The following FRRS1 variants were observed in gnomAD, a reference collection of about 807,000 sequenced individuals.
FRRS1 encodes the protein ferric reductase 1.
In FRRS1, 51 loss-of-function variants were observed where a neutral mutation model predicts 70.7. The ratio of observed to expected loss-of-function variants is 0.72; its 90% CI spans 0.58 to 0.91. FRRS1 has a LOEUF of 0.91. Ranked by LOEUF, FRRS1 falls within the 40% of genes least tolerant of loss-of-function variation. The pLI is 0.00. For synonymous variants in FRRS1, 225 were observed against 238.7 expected, an observed-to-expected ratio of 0.94 and a Z score of 0.53; for missense variants, 672 against 726.0, an observed-to-expected ratio of 0.93 and a Z score of 0.86.
chr1:99,748,454 A>G (rs1571146223), intron 3 of FRRS1, 119 bp downstream of exon 3: 2 of 838,846 alleles, frequency 2.4e-6, no homozygotes, highest in African/African-American at 1.7e-5. Context: ...GAAGTATGAT[A>G]GTATCTTACA....
chr1:99,754,637 A>C (rs889214175), intron 1 of FRRS1, among the ~76,000 whole-genome samples: 1 of 152,218 alleles, frequency 6.6e-6, no homozygotes, highest in Non-Finnish European at 1.5e-5. Context: ...ACAACAGAAT[A>C]CACGTTCCTC....
At chr1:99,740,976 T>G in intron 5 of FRRS1, 36 bp from the exon 6 acceptor site, 1 of 1,596,680 alleles carries the variant, frequency 6.3e-7, no homozygotes, top group South Asian at 1.1e-5. Context: ...GAACCCTAAT[T>G]GTGTCCTGTC....
At chr1:99,710,723 G>A in intron 15 of FRRS1, 83 bp downstream of exon 15, 1 of 1,189,024 alleles carries the variant, frequency 8.4e-7, no homozygotes, top group Non-Finnish European at 1.2e-6. Flanking sequence ...GTAGCAGTCA[G>A]CCATTACTAT....
intron 6 of FRRS1, among the ~76,000 whole-genome samples, chr1:99,738,514 T>C (rs936016490): frequency 3.3e-5 from 5 of 152,202 alleles, no homozygotes; most frequent in African/African-American, 1.2e-4. Flanking sequence ...ATACACTTGT[T>C]GGGCTGTAAT....
At chr1:99,764,739 T>C (rs1249967540) in intron 1 of FRRS1, among the ~76,000 whole-genome samples, 1 of 152,182 alleles carries the variant, frequency 6.6e-6, no homozygotes. Context: ...TTCTCACTTG[T>C]TAGAGACAAT....
At chr1:99,760,078 G>C (rs770281789) in intron 1 of FRRS1, among the ~76,000 whole-genome samples, 8 of 152,206 alleles carry the variant, frequency 5.3e-5, no homozygotes, top group Non-Finnish European at 8.8e-5. Context: ...TGCTTTATAA[G>C]AGACTGAATA....
intron 10 of FRRS1, 145 bp downstream of exon 10, chr1:99,719,389 C>G (rs1190205833): frequency 4.0e-6 from 2 of 499,328 alleles, no homozygotes; most frequent in African/African-American, 5.4e-5. Context: ...AGCCTGGTGA[C>G]AGAGCGAGAC....
chr1:99,708,873 C>G lies in FRRS1; in HGVS notation c.*155G>C. On this transcript the variant is annotated 3_prime_UTR_variant, in exon 17 of 17. Coordinates refer to ENST00000646001, the MANE Select transcript of FRRS1 (RefSeq NM_001361041.2). ...ATATGACCCTCTTGAATGTTGTTCT[C>G]TAAAGGCTGGACTTCAGAATTCCTC... 6.5e-7 allele frequency: 1 copy of G among 1,535,652 alleles called. No homozygotes were observed. Among genetic ancestry groups the G allele is most frequent in the Non-Finnish European group, 9.0e-7 (1 of 1,109,516 alleles).
At position 99,728,505 on chromosome 1, in the gene FRRS1, C is replaced by T. The variant is rs1336260225; in HGVS notation, c.994G>A (p.Ala332Thr). ...TSYYIFLADGAANDGRIYKHS... is the reference protein window; with the variant it reads ...TSYYIFLADGTANDGRIYKHS... ...ACAATATACTTACCATCATTAGCTG[C>T]ACCATCTGCTAGAAATATGTAATAG... Residue 332 changes from alanine to threonine, a missense_variant, in exon 9 of 17, where the codon GCA (alanine) becomes ACA (threonine). Transcript: ENST00000646001. The T allele has an allele frequency of 3.7e-6, 6 of 1,611,196 alleles. No homozygotes were observed. Among genetic ancestry groups the T allele is most frequent in the Admixed American group, 3.3e-5 (2 of 59,972 alleles).
At chr1:99,730,584 C>T (rs1019022435) in intron 7 of FRRS1, among the ~76,000 whole-genome samples, 4 of 151,932 alleles carry the variant, frequency 2.6e-5, no homozygotes, top group Non-Finnish European at 2.9e-5. Flanking sequence ...ATCAGCCAAG[C>T]GGGCCGGGCG....
chr1:99,742,346 G>C, intron 4 of FRRS1, 73 bp from the exon 5 acceptor site: 4 of 933,692 alleles, frequency 4.3e-6, no homozygotes, highest in Non-Finnish European at 7.0e-6. Context: ...CTATCATTTT[G>C]CGAAGTAATT....
At chr1:99,756,070 GAGTT>G (rs1279760652) in intron 1 of FRRS1, among the ~76,000 whole-genome samples, 3 of 152,054 alleles carry the variant, frequency 2.0e-5, no homozygotes, top group East Asian at 1.9e-4. Flanking sequence ...GACAGAATAG[GAGTT>G]AGTCATGGAA....
rs1553169357 is a variant in FRRS1, at chr1:99,708,625, A to AAAAAAATAT, written c.*402_*403insATATTTTTT. 3 of 52,738 alleles carry AAAAAAATAT rather than the reference A, an allele frequency of 5.7e-5. No homozygotes were observed. The highest frequency in any genetic ancestry group is 1.7e-4 in the African/African-American group (2 of 11,680). The allele number at this position is 52,738 out of a possible 1,614,324, so 3.3% of individuals were successfully genotyped here. On this transcript the variant is annotated 3_prime_UTR_variant, in exon 17 of 17. Coordinates refer to ENST00000646001, the MANE Select transcript of FRRS1 (RefSeq NM_001361041.2). ...AAAAAAAAAAAAAAAAAAAAAAAAA[A>AAAAAAATAT]ATATATATATATATATATATATATA...
At chr1:99,742,768 A>G (rs1656038108) in intron 4 of FRRS1, among the ~76,000 whole-genome samples, 1 of 152,134 alleles carries the variant, frequency 6.6e-6, no homozygotes, top group African/African-American at 2.4e-5. Flanking sequence ...ACCTCCTCCA[A>G]GAAGCTCTCT....
chr1:99,706,208 G>A lies in FRRS1; in HGVS notation c.*2820C>T, dbSNP rs1468669395. Reference sequence around the variant, plus strand: ...TCGAGATCAGCCTGGGCAACAAAGGGAGATCCCTTCTCTACCAAAAAAAAA... The same window carrying A: ...TCGAGATCAGCCTGGGCAACAAAGGAAGATCCCTTCTCTACCAAAAAAAAA... On this transcript the variant is annotated 3_prime_UTR_variant, in exon 17 of 17. Coordinates refer to ENST00000646001, the MANE Select transcript of FRRS1 (RefSeq NM_001361041.2). 6.7e-6 allele frequency among the ~76,000 whole-genome samples: 1 copy of A among 149,520 alleles called. No individual in the cohort carries two copies. The highest frequency in any genetic ancestry group is 1.5e-5 in the Non-Finnish European group (1 of 67,700).
chr1:99,743,747 G>A (rs6577131), intron 4 of FRRS1, among the ~76,000 whole-genome samples: 75,181 of 151,958 alleles, frequency 0.49, 22,603 homozygotes, highest in African/African-American at 0.85. Flanking sequence ...ACGGGGTTTC[G>A]CCATGTTTCC....
At position 99,748,592 on chromosome 1, in the gene FRRS1, C is replaced by G; in HGVS notation, c.177G>C (p.Arg59Ser). ...HDIYVSQMTF[R>S]PGDQIEVTLS... ...CGGTACCTTCAATCTGATCTCCTGG[C>G]CTGAATGTCATCTGACTCACGTAAA... The change falls in exon 3 of 17, where the codon AGG (arginine) becomes AGC (serine). Residue 59 changes from arginine (R) to serine (S), a missense_variant. Physicochemically the swap from Arg to Ser is moderately radical, Grantham distance 110 (BLOSUM62 -1). Transcript: ENST00000646001. 6.2e-7 allele frequency: 1 copy of G among 1,613,908 alleles called. No homozygotes were observed. Among genetic ancestry groups the G allele is most frequent in the South Asian group, 1.1e-5 (1 of 91,052 alleles).
chr1:99,759,636 G>A (rs141870953), intron 1 of FRRS1, among the ~76,000 whole-genome samples: 221 of 152,242 alleles, frequency 1.5e-3, no homozygotes, highest in Non-Finnish European at 2.6e-3. Context: ...CTAAGCACAA[G>A]ATATATAAAG....
chr1:99,727,977 T>A (rs1378887466), intron 9 of FRRS1, among the ~76,000 whole-genome samples: 1 of 152,166 alleles, frequency 6.6e-6, no homozygotes, highest in Non-Finnish European at 1.5e-5. Flanking sequence ...TGTGAGGCAT[T>A]CTCCCCTCAG....
Sources: allele counts gnomAD v4.1 joint callset (sites outside exome capture counted in the v4.1 genomes callset), GRCh38; gene constraint gnomAD v4.1.1; transcripts MANE v1.5; gene names NCBI Gene and HGNC (gene_info 2026-07-23, HGNC 2026-07-21).